Variants in MAPK9 observed in about 807,000 individuals in gnomAD.
MAPK9 encodes mitogen-activated protein kinase 9.
A neutral mutation model predicts 57.1 loss-of-function variants in MAPK9; 30 were observed. The ratio of observed to expected loss-of-function variants is 0.53; its 90% CI spans 0.39 to 0.71. The LOEUF (loss-of-function observed/expected upper bound fraction) is 0.71. MAPK9 is among the 30% of genes least tolerant of loss of function. The pLI is 0.00. For synonymous variants in MAPK9, 155 were observed against 177.0 expected (o/e 0.88, Z 0.99); for missense variants, 362 against 521.0 (o/e 0.69, Z 2.97).
At chr5:180,279,820 G>C (rs992872714) in intron 2 of MAPK9, 4 of 456,368 alleles carry the variant, frequency 8.8e-6, no homozygotes, top group African/African-American at 8.0e-5. Flanking sequence ...TGATGCTGCG[G>C]CGGCTGACCG....
At chr5:180,244,632 G>C (rs1757928843) in intron 7 of MAPK9, among the ~76,000 whole-genome samples, 1 of 152,078 alleles carries the variant, frequency 6.6e-6, no homozygotes, top group Admixed American at 6.6e-5. Flanking sequence ...AAATTAGCCA[G>C]GCGTGGTGGC....
At chr5:180,252,035 T>C (rs1173946000) in intron 5 of MAPK9, among the ~76,000 whole-genome samples, 2 of 152,146 alleles carry the variant, frequency 1.3e-5, no homozygotes, top group Admixed American at 1.3e-4. Context: ...AAGTAGACAC[T>C]GAAACCCGAA....
At chr5:180,269,245 T>C (rs1186972068) in intron 3 of MAPK9, 35 bp downstream of exon 3, 3 of 1,598,900 alleles carry the variant, frequency 1.9e-6, no homozygotes, top group Non-Finnish European at 2.6e-6. Flanking sequence ...ATTGACAATA[T>C]GGAAGCACAC....
At chr5:180,243,992 C>T (rs1468042709) in intron 7 of MAPK9, among the ~76,000 whole-genome samples, 1 of 152,230 alleles carries the variant, frequency 6.6e-6, no homozygotes, top group East Asian at 1.9e-4. Context: ...GGACTACAGG[C>T]ACCTGCCATA....
chr5:180,282,725 C>T (rs1425825829), intron 1 of MAPK9, among the ~76,000 whole-genome samples: 2 of 152,222 alleles, frequency 1.3e-5, no homozygotes, highest in African/African-American at 4.8e-5. Context: ...TGTTCCTCTG[C>T]TATGCCGTCA....
At chr5:180,277,594 A>C (rs1761938371) in intron 2 of MAPK9, among the ~76,000 whole-genome samples, 1 of 152,100 alleles carries the variant, frequency 6.6e-6, no homozygotes, top group Non-Finnish European at 1.5e-5. Context: ...CTCAGGCGGG[A>C]CCATTATTCT....
At chr5:180,268,045 C>CT (rs1164186396) in intron 3 of MAPK9, among the ~76,000 whole-genome samples, 1 of 151,974 alleles carries the variant, frequency 6.6e-6, no homozygotes, top group Admixed American at 6.6e-5. Flanking sequence ...AGGATGGTCT[C>CT]TATCTCCTGA....
At chr5:180,252,525 C>A (rs1253026684) in intron 5 of MAPK9, among the ~76,000 whole-genome samples, 1 of 152,164 alleles carries the variant, frequency 6.6e-6, no homozygotes, top group African/African-American at 2.4e-5. Context: ...CCGGGCCCTG[C>A]AGGGTGTGAT....
Position 180,236,265 on chromosome 5 carries a change from T to C in MAPK9, c.*119A>G. On this transcript the variant is annotated 3_prime_UTR_variant, in exon 12 of 12. Transcript: ENST00000452135. ...ATCAGGTCTGAGTAGGGCAAGGCAT[T>C]GTGTTTCTTACATGCAGAACATGGA... 2.6e-6 allele frequency: 3 copies of C among 1,136,334 alleles called. No individual in the cohort carries two copies. Among genetic ancestry groups the C allele is most frequent in the Non-Finnish European group, 2.4e-6 (2 of 823,514 alleles). 70.4% of individuals were successfully genotyped at this position (1,136,334 alleles called of 1,614,324 possible). A position where few individuals can be genotyped will look rare whatever the true frequency, so the allele number is the denominator to read the frequency against.
At chr5:180,272,675 T>C (rs575617595) in intron 2 of MAPK9, among the ~76,000 whole-genome samples, 2 of 152,376 alleles carry the variant, frequency 1.3e-5, no homozygotes, top group South Asian at 2.1e-4. Flanking sequence ...CCATTGTTGC[T>C]GTATGTAGCT....
intron 3 of MAPK9, among the ~76,000 whole-genome samples, chr5:180,267,516 C>A (rs186048550): frequency 4.9e-5 from 7 of 142,932 alleles, no homozygotes; most frequent in Non-Finnish European, 9.0e-5. Flanking sequence ...GAGCTGAGAT[C>A]GCGCCACTGC....
chr5:180,281,751 A>C (rs1219797193), intron 1 of MAPK9, among the ~76,000 whole-genome samples: 1 of 152,228 alleles, frequency 6.6e-6, no homozygotes, highest in Non-Finnish European at 1.5e-5. Context: ...GAACTGAGTC[A>C]AATTAATAAT....
At chr5:180,238,608 C>A in intron 10 of MAPK9, among the ~76,000 whole-genome samples, 1 of 85,150 alleles carries the variant, frequency 1.2e-5, no homozygotes, top group African/African-American at 5.3e-5. Context: ...TCTTCTTCTT[C>A]TTTTTTTTTT....
At position 180,245,440 on chromosome 5, in the gene MAPK9, T is replaced by C. The variant is rs148100342; in HGVS notation, c.688+1999A>G. On this transcript the variant is annotated intron_variant, in intron 7 of 11. Coordinates refer to ENST00000452135, the MANE Select transcript of MAPK9 (RefSeq NM_002752.5). ...CTCAGTCAGACTAGGCACCCAGAAA[T>C]GGGCAGGTGAGAGAAATATCTGCTG... Among the ~76,000 whole-genome samples, 246 of 152,178 alleles carry C rather than the reference T, an allele frequency of 1.6e-3. 1 individual carries two copies. The highest frequency in any genetic ancestry group is 5.8e-3 in the African/African-American group (239 of 41,502).
At chr5:180,273,336 TAAAC>T (rs1761522878) in intron 2 of MAPK9, among the ~76,000 whole-genome samples, 1 of 152,194 alleles carries the variant, frequency 6.6e-6, no homozygotes, top group African/African-American at 2.4e-5. Context: ...TTTTTTAAAA[TAAAC>T]AACATTTCTT....
At chr5:180,244,463 T>C (rs1325283445) in intron 7 of MAPK9, among the ~76,000 whole-genome samples, 1 of 152,080 alleles carries the variant, frequency 6.6e-6, no homozygotes, top group Admixed American at 6.5e-5. Flanking sequence ...CTTATTCCTA[T>C]TTGCAGCAAA....
chr5:180,259,440 A>G (rs1414780002), intron 5 of MAPK9, among the ~76,000 whole-genome samples: 1 of 152,052 alleles, frequency 6.6e-6, no homozygotes, highest in Non-Finnish European at 1.5e-5. Context: ...AAAATCTCAC[A>G]CTGGAGAGAA....
At chr5:180,289,645 T>C (rs554324543) in intron 1 of MAPK9, among the ~76,000 whole-genome samples, 6 of 152,232 alleles carry the variant, frequency 3.9e-5, no homozygotes, top group Non-Finnish European at 2.9e-5. Context: ...AATGAGTATC[T>C]GGGCTGGCAC....
chr5:180,262,174 T>C (rs2127596142), intron 4 of MAPK9, among the ~76,000 whole-genome samples: 1 of 152,240 alleles, frequency 6.6e-6, no homozygotes, highest in East Asian at 1.9e-4. Context: ...TGGTGGGAGA[T>C]GCTGAGAACG....
Sources: gnomAD v4.1 joint callset for allele counts (sites outside exome capture counted in the v4.1 genomes callset) on GRCh38, gnomAD v4.1.1 for gene constraint, MANE v1.5 for transcripts, NCBI Gene and HGNC (gene_info 2026-07-23, HGNC 2026-07-21) for gene names.